NOTCH2: variants seen among roughly 807,000 people sequenced by gnomAD.
NOTCH2 encodes the protein notch receptor 2.
Under a neutral mutation model 235.8 loss-of-function variants are expected in NOTCH2, and 29 were observed. The ratio of observed to expected loss-of-function variants is 0.12; its 90% CI spans 0.09 to 0.17. The LOEUF (loss-of-function observed/expected upper bound fraction) is 0.17, where lower values mean the gene tolerates loss of function less well. Among genes scored for constraint, NOTCH2 ranks in the 10% least tolerant of loss-of-function variants. The probability of loss-of-function intolerance (pLI) is 1.00; values close to 1 mark genes in which losing one functional copy is unlikely to be tolerated. For missense variants in NOTCH2, 2,285 were observed against 3,150.2 expected (o/e 0.73, Z 6.57); for synonymous variants, 1,086 against 1,141.5 (o/e 0.95, Z 0.98).
intron 2 of NOTCH2, among the ~76,000 whole-genome samples, chr1:120,011,020 G>A (rs1653169072): frequency 6.6e-6 from 1 of 152,022 alleles, no homozygotes; most frequent in African/African-American, 2.4e-5. Context: ...CACACAAAAG[G>A]CCACATATTA....
intron 12 of NOTCH2, 83 bp from the exon 13 acceptor site, chr1:119,955,315 T>A (rs1164418760): frequency 5.0e-6 from 7 of 1,410,382 alleles, no homozygotes; most frequent in South Asian, 2.4e-5. Context: ...TATGTTGACA[T>A]CCTTCATCTG....
chr1:119,916,719 C>T (rs1186120856), intron 33 of NOTCH2, 25 bp from the exon 34 acceptor site: 2 of 1,612,052 alleles, frequency 1.2e-6, no homozygotes, highest in Non-Finnish European at 1.7e-6. Context: ...CATCACAGAA[C>T]ACATGTTAAT....
intron 5 of NOTCH2, among the ~76,000 whole-genome samples, chr1:119,980,065 A>AT (rs1570711964): frequency 6.6e-6 from 1 of 152,192 alleles, no homozygotes; most frequent in East Asian, 1.9e-4. Context: ...GTCTCGCATG[A>AT]TATCAACATC....
chr1:119,970,844 A>G (rs975587947), intron 5 of NOTCH2, among the ~76,000 whole-genome samples: 1 of 152,232 alleles, frequency 6.6e-6, no homozygotes, highest in Non-Finnish European at 1.5e-5. Context: ...AAACATGACA[A>G]GTTGTTGAAA....
intron 1 of NOTCH2, among the ~76,000 whole-genome samples, chr1:120,042,194 G>T (rs1654603204): frequency 9.8e-6 from 1 of 101,892 alleles, no homozygotes; most frequent in African/African-American, 5.4e-5. Flanking sequence ...AAAAATGTCA[G>T]CCAAGCTAAA....
chr1:119,964,134 A>G (rs1553199362), intron 10 of NOTCH2, among the ~76,000 whole-genome samples: 1 of 152,060 alleles, frequency 6.6e-6, no homozygotes, highest in East Asian at 1.9e-4. Flanking sequence ...TCCTTTATAT[A>G]TTTATCTTTG....
chr1:119,979,074 T>TA (rs1241592438), intron 5 of NOTCH2, among the ~76,000 whole-genome samples: 1 of 151,922 alleles, frequency 6.6e-6, no homozygotes, highest in Non-Finnish European at 1.5e-5. Flanking sequence ...TACAAAGAAA[T>TA]AAAAAATAAT....
intron 12 of NOTCH2, among the ~76,000 whole-genome samples, chr1:119,958,451 C>T (rs1410374184): frequency 2.6e-5 from 4 of 152,242 alleles, no homozygotes; most frequent in Non-Finnish European, 4.4e-5. Context: ...TCTGCAGACT[C>T]TATCAAAAAC....
chr1:119,968,127 T>A lies in NOTCH2; in HGVS notation c.1214A>T (p.Gln405Leu). The A allele has an allele frequency of 6.2e-7, 1 of 1,614,118 alleles. No homozygotes were observed. The highest frequency in any genetic ancestry group is 1.3e-5 in the African/African-American group (1 of 75,056). The stretch of plus-strand genomic sequence containing the variant: ...TGTGCAGTCAGCCCCTTTGTAGCCT[T>A]GTGGGCAGGTGCAAATATATTGCCC... Reference protein sequence around the residue: ...LNGQYICTCPQGYKGADCTED... With the variant: ...LNGQYICTCPLGYKGADCTED... The change falls in exon 7 of 34, where the codon CAA becomes CTA. Residue 405 changes from glutamine (Q) to leucine (L), a missense_variant. Gln to Leu is a moderately radical substitution (Grantham distance 113). Coordinates refer to ENST00000256646, the MANE Select transcript of NOTCH2 (RefSeq NM_024408.4).
At chr1:120,011,190 TG>T (rs1462728769) in intron 2 of NOTCH2, among the ~76,000 whole-genome samples, 15 of 151,940 alleles carry the variant, frequency 9.9e-5, no homozygotes, top group African/African-American at 3.6e-4. Flanking sequence ...AATTAGATAA[TG>T]GTGGTGGTCT....
intron 26 of NOTCH2, 129 bp from the exon 27 acceptor site, chr1:119,922,907 C>T (rs1649337609): frequency 9.4e-7 from 1 of 1,065,822 alleles, no homozygotes; most frequent in African/African-American, 1.6e-5. Context: ...AGGTCCCCAC[C>T]TCTGGGATGC....
At chr1:119,968,305 C>A in intron 6 of NOTCH2, 73 bp from the exon 7 acceptor site, 19 of 1,495,570 alleles carry the variant, frequency 1.3e-5, no homozygotes, top group Non-Finnish European at 1.7e-5. Flanking sequence ...CTCTTTCACC[C>A]AGGAGGGAAA....
chr1:119,945,304 A>G (rs1650213974), intron 17 of NOTCH2, among the ~76,000 whole-genome samples: 1 of 152,168 alleles, frequency 6.6e-6, no homozygotes, highest in Non-Finnish European at 1.5e-5. Context: ...AGATGTCAGA[A>G]AAAGGAAAAT....
intron 1 of NOTCH2, among the ~76,000 whole-genome samples, chr1:120,047,752 T>C (rs1440127756): frequency 1.1e-4 from 16 of 146,552 alleles, no homozygotes; most frequent in African/African-American, 4.2e-4. Flanking sequence ...TCTTGAAAAA[T>C]TACTTTACCT....
chr1:119,933,549 T>C (rs909294293), intron 22 of NOTCH2, among the ~76,000 whole-genome samples: 7 of 152,198 alleles, frequency 4.6e-5, no homozygotes, highest in Non-Finnish European at 1.0e-4. Flanking sequence ...ATGTATCACA[T>C]ATAAGGGAAC....
intron 2 of NOTCH2, among the ~76,000 whole-genome samples, chr1:120,029,321 C>A (rs1465903856): frequency 2.0e-4 from 30 of 151,556 alleles, no homozygotes; most frequent in Admixed American, 1.8e-3. Flanking sequence ...CTGAAAAACA[C>A]AAGGGAATCT....
chr1:119,944,203 C>T (rs1287002372), intron 17 of NOTCH2, among the ~76,000 whole-genome samples: 1 of 151,820 alleles, frequency 6.6e-6, no homozygotes, highest in Non-Finnish European at 1.5e-5. Flanking sequence ...GGACCCATAA[C>T]CAAAAATATC....
At chr1:119,978,282 C>T (rs1423367851) in intron 5 of NOTCH2, among the ~76,000 whole-genome samples, 1 of 152,006 alleles carries the variant, frequency 6.6e-6, no homozygotes, top group Non-Finnish European at 1.5e-5. Context: ...ATAAGAAATG[C>T]ATTAGGGGAG....
intron 2 of NOTCH2, among the ~76,000 whole-genome samples, chr1:120,006,962 C>T (rs1553206379): frequency 6.6e-6 from 1 of 152,136 alleles, no homozygotes; most frequent in Non-Finnish European, 1.5e-5. Context: ...ACAGAAAATG[C>T]CCAGAAGAAT....
Sources: gnomAD v4.1 joint callset for allele counts (sites outside exome capture counted in the v4.1 genomes callset) on GRCh38, gnomAD v4.1.1 for gene constraint, MANE v1.5 for transcripts, NCBI Gene and HGNC (gene_info 2026-07-23, HGNC 2026-07-21) for gene names.